Variants in EPHA4 observed in about 807,000 individuals in gnomAD.
The protein encoded by EPHA4 is ephrin type-A receptor 4.
Under a neutral mutation model 108.3 loss-of-function variants are expected in EPHA4, and 19 were observed. The ratio of observed to expected loss-of-function variants is 0.18; its 90% confidence interval spans 0.12 to 0.26. The LOEUF is 0.26. EPHA4 is among the 10% of genes least tolerant of loss of function. EPHA4 has a pLI of 1.00. For synonymous variants in EPHA4, 449 were observed against 455.5 expected (o/e 0.99, Z 0.18); for missense variants, 917 against 1,254.0 (o/e 0.73, Z 4.06).
At chr2:221,497,638 T>A (rs984351338) in intron 4 of EPHA4, among the ~76,000 whole-genome samples, 2 of 151,862 alleles carry the variant, frequency 1.3e-5, no homozygotes, top group African/African-American at 4.8e-5. Context: ...CTCGGGAGGC[T>A]GAGGCAGGAG....
intron 5 of EPHA4, among the ~76,000 whole-genome samples, chr2:221,470,810 G>A (rs1334131863): frequency 6.6e-6 from 1 of 152,016 alleles, no homozygotes; most frequent in Non-Finnish European, 1.5e-5. Flanking sequence ...CACATGCTAC[G>A]CTCTCTGAAA....
At chr2:221,423,865 C>A (rs1431850953) in intron 17 of EPHA4, among the ~76,000 whole-genome samples, 1 of 152,058 alleles carries the variant, frequency 6.6e-6, no homozygotes, top group Non-Finnish European at 1.5e-5. Flanking sequence ...CCTGTAATCC[C>A]AACACTTTGG....
intron 11 of EPHA4, 70 bp from the exon 12 acceptor site, chr2:221,437,192 C>A (rs2303897): frequency 1.7e-5 from 20 of 1,164,702 alleles, no homozygotes; most frequent in Non-Finnish European, 2.4e-5. Flanking sequence ...AAATGGGCTG[C>A]GCACAATTTT....
chr2:221,544,130 A>G (rs1353604824), intron 3 of EPHA4, among the ~76,000 whole-genome samples: 1 of 152,188 alleles, frequency 6.6e-6, no homozygotes, highest in Non-Finnish European at 1.5e-5. Context: ...CAAAGGCCCT[A>G]CTTCCTAATA....
At chr2:221,454,949 T>TGA (rs1044848120) in intron 8 of EPHA4, among the ~76,000 whole-genome samples, 6 of 152,226 alleles carry the variant, frequency 3.9e-5, no homozygotes, top group African/African-American at 1.4e-4. Context: ...CTGGAAATGC[T>TGA]GATGGCTTTT....
rs139852105 is a variant in EPHA4, at chr2:221,458,942, C to A, written c.1319-952G>T. On this transcript the variant is annotated intron_variant, in intron 5 of 17. Coordinates refer to ENST00000281821, the MANE Select transcript of EPHA4 (RefSeq NM_004438.5). Reference sequence around the variant, plus strand: ...GCTTCCTAACTCCAATGTATATATTCTTTTATTCCCAAACTGGGGAAACAA... The same window carrying A: ...GCTTCCTAACTCCAATGTATATATTATTTTATTCCCAAACTGGGGAAACAA... Among the ~76,000 whole-genome samples, 136 of 152,274 alleles carry A rather than the reference C, an allele frequency of 8.9e-4. 1 individual carries two copies. The highest frequency in any genetic ancestry group is 3.0e-3 in the African/African-American group (123 of 41,562).
At chr2:221,453,665 C>G (rs896920317) in intron 8 of EPHA4, among the ~76,000 whole-genome samples, 2 of 152,158 alleles carry the variant, frequency 1.3e-5, no homozygotes, top group Admixed American at 6.5e-5. Flanking sequence ...ATTAAAGAAA[C>G]AGAAATGAGA....
At chr2:221,452,332 C>T (rs773211023) in intron 8 of EPHA4, among the ~76,000 whole-genome samples, 13 of 152,380 alleles carry the variant, frequency 8.5e-5, no homozygotes, top group South Asian at 2.1e-4. Context: ...TCTCATACTA[C>T]TGGCTGAAGT....
intron 5 of EPHA4, among the ~76,000 whole-genome samples, chr2:221,458,723 T>C (rs1191040824): frequency 6.6e-6 from 1 of 152,138 alleles, no homozygotes; most frequent in Non-Finnish European, 1.5e-5. Flanking sequence ...GGGCACACTT[T>C]AGATTTATAC....
At chr2:221,469,799 CT>C (rs1466766312) in intron 5 of EPHA4, among the ~76,000 whole-genome samples, 1 of 152,144 alleles carries the variant, frequency 6.6e-6, no homozygotes, top group Non-Finnish European at 1.5e-5. Context: ...AGGAGGTGAC[CT>C]AAAGACAGAA....
At chr2:221,445,751 C>A (rs1690575085) in intron 9 of EPHA4, among the ~76,000 whole-genome samples, 1 of 152,058 alleles carries the variant, frequency 6.6e-6, no homozygotes. Flanking sequence ...TGGGAAGTAG[C>A]AATTACTGTT....
rs60156547 is a variant in EPHA4, at chr2:221,468,883, T to C, written c.1319-10893A>G. Among the ~76,000 whole-genome samples the C allele has an allele frequency of 3.8e-3, 580 of 152,372 alleles. 5 individuals are homozygous for C. The highest frequency in any genetic ancestry group is 0.014 in the South Asian group (68 of 4,832). On this transcript the variant is annotated intron_variant, in intron 5 of 17. Transcript: ENST00000281821. ...ATAAATAGATCCACTATGGTTGTTG[T>C]CATCTTGACTTTTTAAGTGTGATAA...
At chr2:221,566,951 A>AGAAGGGGAAGGG (rs1559297384) in intron 2 of EPHA4, among the ~76,000 whole-genome samples, 1 of 48,628 alleles carries the variant, frequency 2.1e-5, no homozygotes, top group Non-Finnish European at 3.7e-5. Flanking sequence ...AAGGAGAAGG[A>AGAAGGGGAAGGG]GAAGGGGAAG....
intron 16 of EPHA4, 35 bp from the exon 17 acceptor site, chr2:221,426,177 G>T: frequency 1.3e-6 from 2 of 1,570,606 alleles, no homozygotes; most frequent in Non-Finnish European, 1.8e-6. Flanking sequence ...GACAGAAGAA[G>T]TCACAGGGAC....
chr2:221,552,693 G>C (rs1694198813), intron 3 of EPHA4, among the ~76,000 whole-genome samples: 1 of 152,178 alleles, frequency 6.6e-6, no homozygotes, highest in Non-Finnish European at 1.5e-5. Flanking sequence ...ATGAATCCAA[G>C]CCTCAAGTTC....
At chr2:221,539,798 C>T (rs1431750076) in intron 3 of EPHA4, among the ~76,000 whole-genome samples, 1 of 152,078 alleles carries the variant, frequency 6.6e-6, no homozygotes, top group African/African-American at 2.4e-5. Context: ...TTGTAATCCC[C>T]CAATACAATG....
chr2:221,517,072 G>C (rs972178336), intron 3 of EPHA4, among the ~76,000 whole-genome samples: 46 of 152,326 alleles, frequency 3.0e-4, no homozygotes, highest in Admixed American at 5.9e-4. Flanking sequence ...GGGATGACTG[G>C]CACGGCCTGT....
intron 5 of EPHA4, among the ~76,000 whole-genome samples, 169 bp downstream of exon 5, chr2:221,482,183 T>G (rs1691839726): frequency 6.6e-6 from 1 of 152,184 alleles, no homozygotes; most frequent in Non-Finnish European, 1.5e-5. Context: ...AGTGCTGGGA[T>G]TACACGTGTA....
At chr2:221,511,653 T>G (rs1435052299) in intron 3 of EPHA4, among the ~76,000 whole-genome samples, 2 of 152,214 alleles carry the variant, frequency 1.3e-5, no homozygotes, top group South Asian at 2.1e-4. Flanking sequence ...TCCTTTAAAT[T>G]TAATTTGGCT....
Sources: allele counts gnomAD v4.1 joint callset (sites outside exome capture counted in the v4.1 genomes callset), GRCh38; gene constraint gnomAD v4.1.1; transcripts MANE v1.5; gene names NCBI Gene and HGNC (gene_info 2026-07-23, HGNC 2026-07-21).